The following MED8 variants were observed in gnomAD, a reference collection of about 807,000 sequenced individuals.
MED8 encodes the protein mediator of RNA polymerase II transcription subunit 8.
A neutral mutation model predicts 34.8 loss-of-function variants in MED8; 22 were observed. That is an observed-to-expected ratio of 0.63 (90% confidence interval 0.45 to 0.90). MED8 has a LOEUF of 0.90. Among genes scored for constraint, MED8 ranks in the 40% least tolerant of loss-of-function variants. The probability of loss-of-function intolerance (pLI) is 0.00; values close to 1 mark genes in which losing one functional copy is unlikely to be tolerated. For missense variants in MED8, 260 were observed against 326.3 expected (o/e 0.80, Z 1.57); for synonymous variants, 105 against 120.2 (o/e 0.87, Z 0.83).
Position 43,386,007 on chromosome 1 carries a change from C to T in MED8, c.713G>A (p.Gly238Glu), listed in dbSNP as rs1323076778. Residue 238 changes from glycine (G) to glutamate (E), a missense_variant, in exon 6 of 7, where the codon GGG becomes GAG. Physicochemically the swap from Gly to Glu is moderately conservative, Grantham distance 98. Coordinates refer to ENST00000372457, the MANE Select transcript of MED8 (RefSeq NM_201542.5). This position sits in a 1 kb window ranked among gnomAD's most constrained non-coding sequence, Gnocchi z 4.9. Reference protein sequence around the residue: ...APSQQQPMLSGVQMAQAGQPG... With the variant: ...APSQQQPMLSEVQMAQAGQPG... Reference sequence around the variant, plus strand: ...TTGACCTGCCTGAGCCATTTGTACCCCACTGAGCATTGGCTGCTGCTGGCT... The same window carrying T: ...TTGACCTGCCTGAGCCATTTGTACCTCACTGAGCATTGGCTGCTGCTGGCT... The T allele has an allele frequency of 1.2e-6, 2 of 1,614,024 alleles. No homozygotes were observed. The highest frequency in any genetic ancestry group is 1.7e-6 in the Non-Finnish European group (2 of 1,179,894).
chr1:43,389,382 A>G (rs1647963696), intron 1 of MED8, among the ~76,000 whole-genome samples: 1 of 152,124 alleles, frequency 6.6e-6, no homozygotes, highest in Admixed American at 6.6e-5. Flanking sequence ...CCCCTGCTAT[A>G]TCGGCAACCA....
chr1:43,384,805 C>T lies in MED8; in HGVS notation c.*237G>A, dbSNP rs1000128151. On this transcript the variant is annotated 3_prime_UTR_variant, in exon 7 of 7. Coordinates refer to ENST00000372457, the MANE Select transcript of MED8 (RefSeq NM_201542.5). ...TTTACATTCATTTCCTCATTTTAAT[C>T]CTCACAACAACCCTATGAGGTAGGT... is the stretch of plus-strand genomic sequence containing the variant. 2.2e-6 allele frequency: 3 copies of T among 1,388,742 alleles called. No homozygotes were observed. Among genetic ancestry groups the T allele is most frequent in the Non-Finnish European group, 2.8e-6 (3 of 1,063,416 alleles). 86.0% of individuals were successfully genotyped at this position (1,388,742 alleles called of 1,614,324 possible).
At position 43,387,550 on chromosome 1, in the gene MED8, C is replaced by G; in HGVS notation, c.223G>C (p.Val75Leu). ...HEKTPLFRNQVIIPLVLSPDR... is the reference protein window; with the variant it reads ...HEKTPLFRNQLIIPLVLSPDR... ...GGAGACAACACCAGAGGAATGATGA[C>G]CTGGTTACGGAACAGCGGTGTTTTT... The change falls in exon 3 of 7, where the codon GTC (valine) becomes CTC (leucine). Residue 75 changes from valine (V) to leucine (L), a missense_variant. Val to Leu is a conservative substitution (Grantham distance 32). Coordinates refer to ENST00000372457, the MANE Select transcript of MED8 (RefSeq NM_201542.5). 1.2e-6 allele frequency: 2 copies of G among 1,614,016 alleles called. No individual in the cohort carries two copies. Among genetic ancestry groups the G allele is most frequent in the Non-Finnish European group, 1.7e-6 (2 of 1,179,898 alleles).
chr1:43,387,456 T>TA lies in MED8; in HGVS notation c.270+46dup, dbSNP rs755771613. 85 of 1,598,364 alleles carry TA rather than the reference T, an allele frequency of 5.3e-5. 1 individual carries two copies. The highest frequency in any genetic ancestry group is 2.2e-4 in the South Asian group (20 of 89,688). ...AATTTCCCTAAATACTAAAGAAGCCTAAAAAACCCCTTAATTTCCCAAGTT... is the reference window on the plus strand; with the variant it reads ...AATTTCCCTAAATACTAAAGAAGCCTAAAAAAACCCCTTAATTTCCCAAGTT... On this transcript the variant is annotated intron_variant, in intron 3 of 6. Coordinates refer to ENST00000372457, the MANE Select transcript of MED8 (RefSeq NM_201542.5).
In MED8 at chr1:43,386,783, C is replaced by G. The variant is rs1647749139; in HGVS notation, c.411+75G>C. The G allele has an allele frequency of 1.1e-5, 18 of 1,606,348 alleles. No homozygotes were observed. The highest frequency in any genetic ancestry group is 1.4e-5 in the Non-Finnish European group (16 of 1,175,734). The stretch of plus-strand genomic sequence containing the variant: ...AGGCGCAACCAACTATGTATCCCTA[C>G]TAGACAGGAATGGTAATGCCTAGCT... On this transcript the variant is annotated intron_variant, in intron 4 of 6. Transcript: ENST00000372457. The surrounding 1 kb of genome is among the most constrained non-coding windows in gnomAD (Gnocchi z 4.9).
chr1:43,386,100 T>G lies in MED8; in HGVS notation c.620A>C (p.Gln207Pro), dbSNP rs1036825036. 1.2e-6 allele frequency: 2 copies of G among 1,613,934 alleles called. No individual in the cohort carries two copies. The highest frequency in any genetic ancestry group is 2.7e-5 in the African/African-American group (2 of 74,950). ...SGSSGPGQAGQPGAGTILAGT... is the reference protein window; with the variant it reads ...SGSSGPGQAGPPGAGTILAGT... ...TGCAAGGATCGTCCCAGCTCCTGGC[T>G]GGCCTGCCTGGCCAGGACCACTGCT... The change falls in exon 6 of 7, where the codon CAG becomes CCG. Residue 207 changes from glutamine to proline, a missense_variant. By Grantham distance (76) the Gln-to-Pro change is moderately conservative. Coordinates refer to ENST00000372457, the MANE Select transcript of MED8 (RefSeq NM_201542.5). This position sits in a 1 kb window ranked among gnomAD's most constrained non-coding sequence, Gnocchi z 4.9.
chr1:43,386,425 A>T lies in MED8; in HGVS notation c.493+164T>A. 9.7e-7 allele frequency: 1 copy of T among 1,028,854 alleles called. No individual in the cohort carries two copies. Among genetic ancestry groups the T allele is most frequent in the Non-Finnish European group, 1.4e-6 (1 of 717,328 alleles). The allele number at this position is 1,028,854 out of a possible 1,614,324, so 63.7% of individuals were successfully genotyped here. A position where few individuals can be genotyped will look rare whatever the true frequency, so the allele number is the denominator to read the frequency against. On this transcript the variant is annotated intron_variant, in intron 5 of 6. Coordinates refer to ENST00000372457, the MANE Select transcript of MED8 (RefSeq NM_201542.5). The surrounding 1 kb of genome is among the most constrained non-coding windows in gnomAD (Gnocchi z 4.9). Reference sequence around the variant, plus strand: ...TCTTCTTACTTTGCCCATTTCCTCCACTGCTTCAGTGCTGGCCTTAAATAC... The same window carrying T: ...TCTTCTTACTTTGCCCATTTCCTCCTCTGCTTCAGTGCTGGCCTTAAATAC...
intron 3 of MED8, 61 bp downstream of exon 3, chr1:43,387,442 A>G (rs1647772591): frequency 3.8e-6 from 6 of 1,570,600 alleles, no homozygotes; most frequent in Non-Finnish European, 5.2e-6. Context: ...ATTTCCCTAA[A>G]TACTAAAGAA....
chr1:43,389,063 C>T (rs1647924760), intron 1 of MED8: 1 of 152,470 alleles, frequency 6.6e-6, no homozygotes, highest in African/African-American at 2.4e-5. Context: ...AGACTACCAG[C>T]TGCAAGAAAC....
intron 2 of MED8, among the ~76,000 whole-genome samples, chr1:43,388,045 T>C (rs1256104503): frequency 2.6e-5 from 4 of 152,176 alleles, no homozygotes; most frequent in African/African-American, 7.2e-5. Context: ...CCAGCACGAA[T>C]AGAGCTGTAG....
chr1:43,386,133 G>A lies in MED8; in HGVS notation c.587C>T (p.Pro196Leu). The A allele has an allele frequency of 1.2e-6, 2 of 1,614,026 alleles. No homozygotes were observed. The highest frequency in any genetic ancestry group is 1.7e-6 in the Non-Finnish European group (2 of 1,179,898). The change falls in exon 6 of 7, where the codon CCT becomes CTT. Residue 196 changes from proline to leucine, a missense_variant. Transcript: ENST00000372457. This position sits in a 1 kb window ranked among gnomAD's most constrained non-coding sequence, Gnocchi z 4.9. ...CTGGCCAGGACCACTGCTGCCTGAA[G>A]GTCTCCAATTAGATAGTCCTTTCCC... ...AFGKGLSNWR[P>L]SGSSGPGQAG... is the part of the protein sequence containing the mutation.
chr1:43,389,701 C>T lies in MED8; in HGVS notation c.6+58G>A, dbSNP rs1279283893. 5.0e-6 allele frequency: 8 copies of T among 1,598,764 alleles called. No homozygotes were observed. The African/African-American group carries it at 9.5e-5, about 19-fold the overall frequency. ...CTCTTCATTCTCCTTAGCCAGCCCACTCTCGGTCCCTGTACCCGAAGCTTG... is the reference window on the plus strand; with the variant it reads ...CTCTTCATTCTCCTTAGCCAGCCCATTCTCGGTCCCTGTACCCGAAGCTTG... On this transcript the variant is annotated intron_variant, in intron 1 of 6. Coordinates refer to ENST00000372457, the MANE Select transcript of MED8 (RefSeq NM_201542.5).
intron 1 of MED8, 67 bp from the exon 2 acceptor site, chr1:43,388,495 A>C: frequency 6.3e-7 from 1 of 1,590,934 alleles, no homozygotes; most frequent in Non-Finnish European, 8.5e-7. Flanking sequence ...GAGGGCTGGA[A>C]AGCCAAGGAG....
rs775385970 is a variant in MED8, at chr1:43,384,422, A to C, written c.*620T>G. The C allele has an allele frequency of 6.4e-7, 1 of 1,568,468 alleles. No homozygotes were observed. Among genetic ancestry groups the C allele is most frequent in the Non-Finnish European group, 8.6e-7 (1 of 1,157,732 alleles). ...GGTAAAAGCCAAGTTGGCTCCTTAGAGGATGGAAAGGAGAGCAGGCCCAAG... is the reference window on the plus strand; with the variant it reads ...GGTAAAAGCCAAGTTGGCTCCTTAGCGGATGGAAAGGAGAGCAGGCCCAAG... On this transcript the variant is annotated 3_prime_UTR_variant, in exon 7 of 7. Transcript: ENST00000372457.
At chr1:43,388,647 C>A (rs1244298420) in intron 1 of MED8, 1 of 604,696 alleles carries the variant, frequency 1.7e-6, no homozygotes, top group East Asian at 3.1e-5. Context: ...AGTCCTTCCA[C>A]CAACTGATTC....
chr1:43,388,450 G>A, intron 1 of MED8, 22 bp from the exon 2 acceptor site: 2 of 1,612,192 alleles, frequency 1.2e-6, no homozygotes, highest in South Asian at 1.1e-5. Flanking sequence ...GGAACAGGTT[G>A]GTCACCCAGA....
chr1:43,384,437 G>A lies in MED8; in HGVS notation c.*605C>T, dbSNP rs1476655097. On this transcript the variant is annotated 3_prime_UTR_variant, in exon 7 of 7. Coordinates refer to ENST00000372457, the MANE Select transcript of MED8 (RefSeq NM_201542.5). The stretch of plus-strand genomic sequence containing the variant: ...GGCTCCTTAGAGGATGGAAAGGAGA[G>A]CAGGCCCAAGCTTCACCAGAGCTGC... 10 of 1,582,434 alleles carry A rather than the reference G, an allele frequency of 6.3e-6. No homozygotes were observed. Among genetic ancestry groups the A allele is most frequent in the Non-Finnish European group, 8.6e-6 (10 of 1,164,674 alleles).
intron 6 of MED8, 47 bp from the exon 7 acceptor site, chr1:43,385,153 A>C: frequency 6.5e-7 from 1 of 1,546,158 alleles, no homozygotes; most frequent in Non-Finnish European, 8.7e-7. Flanking sequence ...TAAGACTTTC[A>C]TGACAAATCA....
intron 6 of MED8, chr1:43,385,427 A>C (rs890535028): frequency 7.0e-6 from 2 of 286,114 alleles, no homozygotes; most frequent in Non-Finnish European, 1.3e-5. Flanking sequence ...TTTATATCAT[A>C]ATAAGTGCAG....
Sources: gnomAD v4.1 joint callset for allele counts (sites outside exome capture counted in the v4.1 genomes callset) on GRCh38, gnomAD v4.1.1 for gene constraint, Gnocchi (gnomAD v3.1) non-coding constraint, MANE v1.5 for transcripts, NCBI Gene and HGNC (gene_info 2026-07-23, HGNC 2026-07-21) for gene names.